The following CELF2 variants were observed in gnomAD, a reference collection of about 807,000 sequenced individuals.
CELF2 encodes CUGBP Elav-like family member 2, also known as CUG triplet repeat RNA-binding protein 2.
A neutral mutation model predicts 62.6 loss-of-function variants in CELF2; 8 were observed. That is an observed-to-expected ratio of 0.13 (90% CI 0.07 to 0.23). The LOEUF (loss-of-function observed/expected upper bound fraction) is 0.23. Among genes scored for constraint, CELF2 ranks in the 10% least tolerant of loss-of-function variants. CELF2 has a pLI of 1.00. For missense variants in CELF2, 333 were observed against 671.0 expected, an observed-to-expected ratio of 0.50 and a Z score of 5.56; for synonymous variants, 258 against 250.0, an observed-to-expected ratio of 1.03 and a Z score of -0.30.
chr10:10,600,179 C>G, the CELF2 span, among the ~76,000 whole-genome samples: 3 of 152,282 alleles, frequency 2.0e-5, no homozygotes, highest in East Asian at 3.9e-4. Flanking sequence ...TCATGCATCC[C>G]AGGAGGGGAT....
At chr10:11,233,859 G>A (rs2069891649) in intron 3 of CELF2, among the ~76,000 whole-genome samples, 1 of 152,212 alleles carries the variant, frequency 6.6e-6, no homozygotes, top group Non-Finnish European at 1.5e-5. Context: ...GGTTATCCCT[G>A]TAATCCCCAT....
chr10:10,849,188 G>A (rs1054770482), intron 1 of CELF2, among the ~76,000 whole-genome samples: 3 of 151,568 alleles, frequency 2.0e-5, no homozygotes, highest in African/African-American at 7.3e-5. Context: ...CTTGAGGTCA[G>A]GAGTTCGAGA....
Position 11,159,504 on chromosome 10 carries a change from T to C in CELF2, c.75-5982T>C, listed in dbSNP as rs2065226731. On this transcript the variant is annotated intron_variant, in intron 1 of 12. Transcript: ENST00000633077. This position sits in a 1 kb window ranked among gnomAD's most constrained non-coding sequence, Gnocchi z 5.0. Reference sequence around the variant, plus strand: ...TCGAAAGGATGCGCTAAGTTGAGCATGGACAGGGCGCCTCCTGAGGGTAGG... The same window carrying C: ...TCGAAAGGATGCGCTAAGTTGAGCACGGACAGGGCGCCTCCTGAGGGTAGG... Among the ~76,000 whole-genome samples the C allele has an allele frequency of 6.6e-6, 1 of 152,234 alleles. No homozygotes were observed. Among genetic ancestry groups the C allele is most frequent in the Non-Finnish European group, 1.5e-5 (1 of 68,040 alleles).
the CELF2 span, among the ~76,000 whole-genome samples, chr10:10,482,090 A>ACT: frequency 6.6e-6 from 1 of 152,104 alleles, no homozygotes; most frequent in African/African-American, 2.4e-5. Context: ...TTGCACATAC[A>ACT]CTCTGCGTCT....
intron 3 of CELF2, among the ~76,000 whole-genome samples, chr10:11,240,515 T>TGAACCTCTG (rs2073462737): frequency 6.6e-6 from 1 of 152,262 alleles, no homozygotes; most frequent in South Asian, 2.1e-4. Flanking sequence ...GTGTGAGTTT[T>TGAACCTCTG]GAACCTCTGG....
At chr10:10,472,977 G>T in the CELF2 span, among the ~76,000 whole-genome samples, 2 of 151,910 alleles carry the variant, frequency 1.3e-5, no homozygotes, top group African/African-American at 4.8e-5. Flanking sequence ...ATATTTGCAG[G>T]ATCTCATTTC....
chr10:11,280,983 T>TGTGTGC lies in CELF2; in HGVS notation c.841+5869_841+5874dup, dbSNP rs1194663134. The stretch of plus-strand genomic sequence containing the variant: ...TGATGCTGGCGTGCGTGTGCATGCC[T>TGTGTGC]GTGTGCGTGTGTGTGTGTGTGTGTG... On this transcript the variant is annotated intron_variant, in intron 8 of 12. Transcript: ENST00000633077. The surrounding 1 kb of genome is among the most constrained non-coding windows in gnomAD (Gnocchi z 7.6). Among the ~76,000 whole-genome samples the TGTGTGC allele has an allele frequency of 1.8e-4, 20 of 110,860 alleles. No individual in the cohort carries two copies. In the Admixed American group the frequency reaches 1.9e-3, roughly 11 times the overall value. The allele number at this position is 110,860 out of a possible 152,430, so 72.7% of individuals were successfully genotyped here. A position where few individuals can be genotyped will look rare whatever the true frequency, so the allele number is the denominator to read the frequency against.
intron 1 of CELF2, among the ~76,000 whole-genome samples, chr10:10,816,490 T>A (rs2056472485): frequency 6.6e-6 from 1 of 152,226 alleles, no homozygotes; most frequent in African/African-American, 2.4e-5. Flanking sequence ...TGACACTCTC[T>A]GTGTCCCTTT....
the CELF2 span, among the ~76,000 whole-genome samples, chr10:10,631,931 G>A: frequency 1.3e-5 from 2 of 152,128 alleles, no homozygotes; most frequent in African/African-American, 4.8e-5. Flanking sequence ...ACATTTTTTG[G>A]AGTTGCAGTT....
At chr10:10,845,594 C>G (rs2058962909) in intron 1 of CELF2, among the ~76,000 whole-genome samples, 1 of 152,148 alleles carries the variant, frequency 6.6e-6, no homozygotes, top group African/African-American at 2.4e-5. Flanking sequence ...GAAGATAAAA[C>G]TCAGTATTAT....
chr10:10,564,344 T>G, the CELF2 span, among the ~76,000 whole-genome samples: 2 of 152,138 alleles, frequency 1.3e-5, no homozygotes, highest in Non-Finnish European at 2.9e-5. Context: ...CAGGAAGAGC[T>G]GGGTGGAGTC....
At chr10:11,252,447 G>A (rs2077428667) in intron 4 of CELF2, among the ~76,000 whole-genome samples, 1 of 152,230 alleles carries the variant, frequency 6.6e-6, no homozygotes, top group South Asian at 2.1e-4. Flanking sequence ...AACTTTGTAT[G>A]TGCTGAGCCA....
At chr10:10,690,001 G>C in the CELF2 span, among the ~76,000 whole-genome samples, 1 of 152,192 alleles carries the variant, frequency 6.6e-6, no homozygotes. Flanking sequence ...ACAAGATTGA[G>C]AATGAGGTTT....
At chr10:10,862,626 G>A (rs1015648358) in intron 1 of CELF2, among the ~76,000 whole-genome samples, 10 of 152,138 alleles carry the variant, frequency 6.6e-5, no homozygotes, top group African/African-American at 2.2e-4. Flanking sequence ...GTGTCATTAC[G>A]GTCAGCTCAG....
chr10:11,132,958 G>A (rs1217423239), intron 1 of CELF2, among the ~76,000 whole-genome samples: 1 of 152,206 alleles, frequency 6.6e-6, no homozygotes, highest in Non-Finnish European at 1.5e-5. Context: ...TGTATCAGAA[G>A]CTACACTAAT....
intron 1 of CELF2, among the ~76,000 whole-genome samples, chr10:10,883,844 T>A (rs896701347): frequency 6.6e-6 from 1 of 152,170 alleles, no homozygotes; most frequent in African/African-American, 2.4e-5. Flanking sequence ...ATTGAACAGA[T>A]GATGAGGGCT....
chr10:10,743,155 G>C, the CELF2 span, among the ~76,000 whole-genome samples: 1 of 152,198 alleles, frequency 6.6e-6, no homozygotes, highest in Non-Finnish European at 1.5e-5. Context: ...ACACTCCTCT[G>C]ATCTCATAGT....
At chr10:10,694,019 T>C in the CELF2 span, among the ~76,000 whole-genome samples, 3 of 150,404 alleles carry the variant, frequency 2.0e-5, no homozygotes, top group African/African-American at 7.3e-5. Context: ...CCTTCAGTTC[T>C]GCTCTGATTT....
intron 2 of CELF2, among the ~76,000 whole-genome samples, chr10:10,967,740 AG>A (rs141257049): frequency 0.027 from 4,105 of 152,246 alleles, 80 homozygotes; most frequent in Middle Eastern, 0.068. Flanking sequence ...AAGACCTGGG[AG>A]CAAATACACT....
Sources: gnomAD v4.1 joint callset for allele counts (sites outside exome capture counted in the v4.1 genomes callset) on GRCh38, gnomAD v4.1.1 for gene constraint, Gnocchi (gnomAD v3.1) non-coding constraint, MANE v1.5 for transcripts, NCBI Gene and HGNC (gene_info 2026-07-23, HGNC 2026-07-21) for gene names.